The following SULT1E1 variants were observed in gnomAD, a reference collection of about 807,000 sequenced individuals.
The protein encoded by SULT1E1 is sulfotransferase family 1E member 1.
Under a neutral mutation model 33.6 loss-of-function variants are expected in SULT1E1, and 36 were observed. The ratio of observed to expected loss-of-function variants is 1.07; its 90% CI spans 0.82 to 1.41. The LOEUF is 1.41. SULT1E1 is among the 40% of genes most tolerant of loss of function. The probability of loss-of-function intolerance (pLI) is 0.00; values close to 1 mark genes in which losing one functional copy is unlikely to be tolerated. For synonymous variants in SULT1E1, 121 were observed against 111.7 expected, an observed-to-expected ratio of 1.08 and a Z score of -0.53; for missense variants, 371 against 345.7, an observed-to-expected ratio of 1.07 and a Z score of -0.58.
chr4:69,848,953 G>A (rs1447859008), intron 5 of SULT1E1, among the ~76,000 whole-genome samples: 1 of 151,740 alleles, frequency 6.6e-6, no homozygotes, highest in African/African-American at 2.4e-5. Flanking sequence ...TTGCACTCTG[G>A]GTAGAATGAG....
chr4:69,837,118 A>T (rs1720809963), downstream of SULT1E1, among the ~76,000 whole-genome samples: 3 of 152,090 alleles, frequency 2.0e-5, no homozygotes, highest in South Asian at 6.2e-4. Flanking sequence ...TAGGGGTTAG[A>T]TAGATGCAGA....
At chr4:69,828,048 C>G in the SULT1E1 span, among the ~76,000 whole-genome samples, 1 of 152,228 alleles carries the variant, frequency 6.6e-6, no homozygotes, top group Non-Finnish European at 1.5e-5. Context: ...AACAACAGGA[C>G]TGAGGATGCT....
the SULT1E1 span, among the ~76,000 whole-genome samples, chr4:69,822,153 A>T: frequency 6.6e-6 from 1 of 152,222 alleles, no homozygotes; most frequent in Admixed American, 6.5e-5. Flanking sequence ...TTGTGATATA[A>T]TTAATTCCCT....
the SULT1E1 span, among the ~76,000 whole-genome samples, chr4:69,824,895 C>G: frequency 6.6e-6 from 1 of 152,176 alleles, no homozygotes; most frequent in Non-Finnish European, 1.5e-5. Flanking sequence ...CCTTTCCACC[C>G]TGTGGAATCT....
intron 2 of SULT1E1, among the ~76,000 whole-genome samples, chr4:69,857,198 A>G (rs940909460): frequency 2.6e-5 from 4 of 152,170 alleles, no homozygotes; most frequent in African/African-American, 9.6e-5. Flanking sequence ...CGACAACATT[A>G]ATGACATAAG....
chr4:69,846,255 TC>T (rs1560554682), intron 6 of SULT1E1, among the ~76,000 whole-genome samples: 3 of 147,620 alleles, frequency 2.0e-5, no homozygotes, highest in South Asian at 4.2e-4. Context: ...AGTTTTTTTT[TC>T]TTTTGAGTTC....
intron 1 of SULT1E1, among the ~76,000 whole-genome samples, chr4:69,858,231 C>A (rs1485924343): frequency 6.6e-6 from 1 of 151,970 alleles, no homozygotes; most frequent in Non-Finnish European, 1.5e-5. Flanking sequence ...GAAATGGAAT[C>A]TTGAGAGTAT....
downstream of SULT1E1, among the ~76,000 whole-genome samples, chr4:69,837,192 T>C (rs1401294413): frequency 1.3e-5 from 2 of 152,142 alleles, no homozygotes; most frequent in Admixed American, 1.3e-4. Flanking sequence ...ACTTTCCATG[T>C]GTGATTTTTG....
intron 5 of SULT1E1, chr4:69,849,155 G>T: frequency 4.7e-6 from 1 of 212,896 alleles, no homozygotes; most frequent in East Asian, 1.0e-4. Context: ...ATCAGACACT[G>T]AGTCTCAATC....
the SULT1E1 span, among the ~76,000 whole-genome samples, chr4:69,829,929 T>C: frequency 6.6e-6 from 1 of 152,210 alleles, no homozygotes; most frequent in South Asian, 2.1e-4. Flanking sequence ...TGGTCTGTCC[T>C]AGTCCTCATA....
At chr4:69,824,143 T>C in the SULT1E1 span, among the ~76,000 whole-genome samples, 1 of 152,202 alleles carries the variant, frequency 6.6e-6, no homozygotes, top group Non-Finnish European at 1.5e-5. Flanking sequence ...TCCATCAAAG[T>C]TACACCTGAG....
the SULT1E1 span, among the ~76,000 whole-genome samples, chr4:69,830,252 C>G: frequency 6.6e-6 from 1 of 152,236 alleles, no homozygotes; most frequent in African/African-American, 2.4e-5. Flanking sequence ...ATTAGCCTCC[C>G]TCTTTGCCTC....
rs1341774252 is a variant in SULT1E1 at position 69,844,182 on chromosome 4, A to G, written c.751T>C (p.Leu251=). The change falls in exon 7 of 8, where the codon TTG becomes CTG. Residue 251 remains leucine, a synonymous_variant. Coordinates refer to ENST00000226444, the MANE Select transcript of SULT1E1 (RefSeq NM_005420.3). Reference sequence around the variant, plus strand: ...TCACCCTTTCTCATGAAGGGCGACAATTTCTGGTTCATAATTTCGTCTGGC... The same window carrying G: ...TCACCCTTTCTCATGAAGGGCGACAGTTTCTGGTTCATAATTTCGTCTGGC... ...TLPDEIMNQK[L]SPFMRKGITG... The G allele has an allele frequency of 6.2e-7, 1 of 1,613,720 alleles. No homozygotes were observed. The highest frequency in any genetic ancestry group is 8.5e-7 in the Non-Finnish European group (1 of 1,179,870).
chr4:69,842,940 C>A (rs528126511), intron 7 of SULT1E1, among the ~76,000 whole-genome samples: 1 of 151,948 alleles, frequency 6.6e-6, no homozygotes. Flanking sequence ...AGGTTCACAC[C>A]ATTCTCCTGC....
intron 1 of SULT1E1, 97 bp from the exon 2 acceptor site, chr4:69,857,750 C>A: frequency 8.7e-7 from 1 of 1,149,730 alleles, no homozygotes; most frequent in Non-Finnish European, 1.2e-6. Flanking sequence ...ATACCTAGCA[C>A]TTCTTAGTTG....
At chr4:69,829,543 T>A in the SULT1E1 span, among the ~76,000 whole-genome samples, 2 of 152,188 alleles carry the variant, frequency 1.3e-5, no homozygotes, top group East Asian at 3.9e-4. Context: ...TCCTCAGCTT[T>A]CAGGACAGTA....
At chr4:69,853,966 A>T (rs906889657) in intron 4 of SULT1E1, among the ~76,000 whole-genome samples, 3 of 152,146 alleles carry the variant, frequency 2.0e-5, no homozygotes, top group Non-Finnish European at 2.9e-5. Context: ...TGTTATTATT[A>T]TCTTTCTTCT....
intron 6 of SULT1E1, among the ~76,000 whole-genome samples, chr4:69,844,799 AT>A (rs753104353): frequency 3.3e-5 from 5 of 152,142 alleles, no homozygotes; most frequent in Non-Finnish European, 5.9e-5. Context: ...AATACTCACA[AT>A]GCAACATCAG....
the SULT1E1 span, among the ~76,000 whole-genome samples, chr4:69,825,743 C>T: frequency 2.0e-5 from 3 of 151,690 alleles, no homozygotes; most frequent in Non-Finnish European, 4.4e-5. Context: ...CAGCCATAAG[C>T]GAAACTCTGA....
Sources: gnomAD v4.1 joint callset for allele counts (sites outside exome capture counted in the v4.1 genomes callset) on GRCh38, gnomAD v4.1.1 for gene constraint, MANE v1.5 for transcripts, NCBI Gene and HGNC (gene_info 2026-07-23, HGNC 2026-07-21) for gene names.